PCTP: variants seen among roughly 807,000 people sequenced by gnomAD.
The protein encoded by PCTP is phosphatidylcholine transfer protein.
PCTP carries 27 observed loss-of-function variants against 31.0 expected under a neutral mutation model. The observed-to-expected ratio is 0.87, with a 90% confidence interval of 0.64 to 1.20. The LOEUF (loss-of-function observed/expected upper bound fraction) is 1.20, where lower values mean the gene tolerates loss of function less well. Among genes scored for constraint, PCTP ranks in the 50% most tolerant of loss-of-function variants. The pLI, the probability that PCTP is intolerant of heterozygous loss-of-function variation, is 0.00. For missense variants in PCTP, 287 were observed against 268.2 expected (o/e 1.07, Z -0.49); for synonymous variants, 108 against 101.2 (o/e 1.07, Z -0.40).
At chr17:55,798,626 C>T (rs900582806) in intron 3 of PCTP, among the ~76,000 whole-genome samples, 1 of 151,760 alleles carries the variant, frequency 6.6e-6, no homozygotes, top group African/African-American at 2.4e-5. Context: ...GACTTCTATA[C>T]CCAGAAAAAT....
At chr17:55,808,745 A>C (rs1164016945) in intron 3 of PCTP, among the ~76,000 whole-genome samples, 3 of 152,206 alleles carry the variant, frequency 2.0e-5, no homozygotes, top group Admixed American at 2.0e-4. Context: ...ATACGTCTTA[A>C]AGAAAAATCT....
chr17:55,824,114 A>T (rs1008140578), downstream of PCTP, among the ~76,000 whole-genome samples: 1 of 152,142 alleles, frequency 6.6e-6, no homozygotes, highest in African/African-American at 2.4e-5. Flanking sequence ...AGTCCATAGA[A>T]TAGAACTGCA....
At chr17:55,827,005 C>T (rs1480268400), downstream of PCTP, among the ~76,000 whole-genome samples, 1 of 139,834 alleles carries the variant, frequency 7.2e-6, no homozygotes, top group African/African-American at 2.8e-5. Context: ...TATACAACAA[C>T]AGATACAAAA....
chr17:55,791,949 A>G (rs1911999091), intron 3 of PCTP, among the ~76,000 whole-genome samples: 1 of 152,070 alleles, frequency 6.6e-6, no homozygotes, highest in South Asian at 2.1e-4. Flanking sequence ...AATGTGGCAC[A>G]TATACACCAT....
chr17:55,845,887 G>GGGGT (rs1555572496), downstream of PCTP, among the ~76,000 whole-genome samples: 1,495 of 143,064 alleles, frequency 0.01, 14 homozygotes, highest in Non-Finnish European at 0.015. Context: ...AGAGGGTTGG[G>GGGGT]GTGTGTGTGT....
intron 3 of PCTP, among the ~76,000 whole-genome samples, chr17:55,815,471 A>G (rs1440037730): frequency 6.6e-6 from 1 of 152,214 alleles, no homozygotes; most frequent in Non-Finnish European, 1.5e-5. Flanking sequence ...CTGTTTGTGC[A>G]TGGAGTAACA....
At chr17:55,827,096 C>A (rs942259852), downstream of PCTP, among the ~76,000 whole-genome samples, 1 of 151,182 alleles carries the variant, frequency 6.6e-6, no homozygotes, top group Non-Finnish European at 1.5e-5. Context: ...AAGCTCGTTG[C>A]AATTTGACTT....
At position 55,751,116 on chromosome 17, in the gene PCTP, G is replaced by A. The variant is rs933463730; in HGVS notation, c.13G>A (p.Ala5Thr). 1.3e-6 allele frequency: 2 copies of A among 1,540,730 alleles called. No individual in the cohort carries two copies. Among genetic ancestry groups the A allele is most frequent in the African/African-American group, 2.8e-5 (2 of 72,550 alleles). Residue 5 changes from alanine to threonine, a missense_variant, in exon 1 of 6, where the codon GCC becomes ACC. Physicochemically the swap from Ala to Thr is moderately conservative, Grantham distance 58. Coordinates refer to ENST00000268896, the MANE Select transcript of PCTP (RefSeq NM_021213.4). ...GGACTGCGGAAGGATGGAGCTGGCC[G>A]CCGGAAGCTTCTCGGAGGAGCAGTT... MELAAGSFSEEQFWE... is the reference protein window; with the variant it reads MELATGSFSEEQFWE...
At chr17:55,762,698 C>T (rs1363340525) in intron 1 of PCTP, among the ~76,000 whole-genome samples, 1 of 152,156 alleles carries the variant, frequency 6.6e-6, no homozygotes, top group Admixed American at 6.5e-5. Flanking sequence ...TCTTTCTACT[C>T]TGTTTCTCAT....
intron 1 of PCTP, among the ~76,000 whole-genome samples, chr17:55,759,592 G>A (rs1296845815): frequency 6.6e-6 from 1 of 152,162 alleles, no homozygotes; most frequent in African/African-American, 2.4e-5. Context: ...TAGATTGGGG[G>A]TGTTTCCTGT....
At chr17:55,792,950 A>T (rs1265615635) in intron 3 of PCTP, among the ~76,000 whole-genome samples, 1 of 152,056 alleles carries the variant, frequency 6.6e-6, no homozygotes, top group East Asian at 1.9e-4. Flanking sequence ...TTCCCCAACA[A>T]ATCATAGTTC....
At chr17:55,831,471 G>A (rs1462317745) in intron 5 of PCTP, among the ~76,000 whole-genome samples, 3 of 152,118 alleles carry the variant, frequency 2.0e-5, no homozygotes, top group Admixed American at 6.5e-5. Flanking sequence ...ATAGCCAACC[G>A]CTTTGGGCAT....
intron 3 of PCTP, among the ~76,000 whole-genome samples, chr17:55,818,096 T>C (rs746374940): frequency 2.6e-5 from 4 of 152,122 alleles, no homozygotes; most frequent in Admixed American, 6.5e-5. Context: ...GAGAAACGAA[T>C]CCAAGGTTGG....
chr17:55,838,997 A>AAAACC (rs1905867748), intron 5 of PCTP, among the ~76,000 whole-genome samples: 1 of 152,324 alleles, frequency 6.6e-6, no homozygotes, highest in Non-Finnish European at 1.5e-5. Flanking sequence ...CATGGTTAAC[A>AAAACC]AAACCAAACC....
intron 3 of PCTP, among the ~76,000 whole-genome samples, chr17:55,792,519 T>C (rs1017674733): frequency 6.6e-6 from 1 of 152,094 alleles, no homozygotes; most frequent in African/African-American, 2.4e-5. Flanking sequence ...CATTAGATAG[T>C]AAGAACTGTG....
chr17:55,801,788 C>G (rs1912392964), intron 3 of PCTP, among the ~76,000 whole-genome samples: 1 of 152,128 alleles, frequency 6.6e-6, no homozygotes. Flanking sequence ...GACACCCTGA[C>G]ATCACAATTG....
chr17:55,823,950 C>A (rs1279048812), downstream of PCTP, among the ~76,000 whole-genome samples: 1 of 152,188 alleles, frequency 6.6e-6, no homozygotes, highest in East Asian at 1.9e-4. Flanking sequence ...GGTCTACTGT[C>A]TAGACTTGAG....
chr17:55,754,973 T>C (rs1909933580), intron 1 of PCTP, among the ~76,000 whole-genome samples: 1 of 152,176 alleles, frequency 6.6e-6, no homozygotes, highest in Non-Finnish European at 1.5e-5. Context: ...TATACACACA[T>C]ATACATATGT....
At chr17:55,789,457 C>T (rs1043612247) in intron 3 of PCTP, among the ~76,000 whole-genome samples, 24 of 152,200 alleles carry the variant, frequency 1.6e-4, no homozygotes, top group Non-Finnish European at 2.5e-4. Context: ...AAGTTGTAAA[C>T]GCTTTATTGC....
Sources: allele counts gnomAD v4.1 joint callset (sites outside exome capture counted in the v4.1 genomes callset), GRCh38; gene constraint gnomAD v4.1.1; transcripts MANE v1.5; gene names NCBI Gene and HGNC (gene_info 2026-07-23, HGNC 2026-07-21).